ARHGAP12: variants seen among roughly 807,000 people sequenced by gnomAD.
ARHGAP12 encodes the protein rho GTPase-activating protein 12.
A neutral mutation model predicts 108.6 loss-of-function variants in ARHGAP12; 64 were observed. The ratio of observed to expected loss-of-function variants is 0.59; its 90% CI spans 0.48 to 0.73. ARHGAP12 has a LOEUF of 0.73. Ranked by LOEUF, ARHGAP12 falls within the 30% of genes least tolerant of loss-of-function variation. The probability of loss-of-function intolerance (pLI) is 0.00; values close to 1 mark genes in which losing one functional copy is unlikely to be tolerated. For synonymous variants in ARHGAP12, 312 were observed against 337.2 expected (o/e 0.93, Z 0.82); for missense variants, 940 against 1,005.9 (o/e 0.93, Z 0.89).
chr10:31,838,664 T>C (rs1352028376), intron 9 of ARHGAP12, among the ~76,000 whole-genome samples: 1 of 151,912 alleles, frequency 6.6e-6, no homozygotes, highest in Non-Finnish European at 1.5e-5. Flanking sequence ...ACCCCGTCTC[T>C]ACTAAAAATA....
At chr10:31,885,134 G>C (rs1057018958) in intron 3 of ARHGAP12, among the ~76,000 whole-genome samples, 2 of 152,042 alleles carry the variant, frequency 1.3e-5, no homozygotes, top group Non-Finnish European at 2.9e-5. Flanking sequence ...TTGAGAAAAT[G>C]TCTAATGTCC....
intron 6 of ARHGAP12, among the ~76,000 whole-genome samples, chr10:31,849,854 C>T (rs1256899146): frequency 6.6e-6 from 1 of 152,112 alleles, no homozygotes; most frequent in Non-Finnish European, 1.5e-5. Context: ...TCTTGCCTCT[C>T]CTCTTTTTTT....
intron 3 of ARHGAP12, among the ~76,000 whole-genome samples, chr10:31,866,756 T>C (rs753190388): frequency 1.4e-4 from 22 of 152,074 alleles, no homozygotes; most frequent in Non-Finnish European, 2.9e-4. Flanking sequence ...GCTGGGATTA[T>C]AGGCGTGAGC....
intron 10 of ARHGAP12, among the ~76,000 whole-genome samples, chr10:31,827,858 G>A (rs1835678315): frequency 6.6e-6 from 1 of 151,346 alleles, no homozygotes; most frequent in Non-Finnish European, 1.5e-5. Flanking sequence ...TTTTCAGAAT[G>A]TAGAATTTAA....
In ARHGAP12 at chr10:31,908,797, T is replaced by C; in HGVS notation, c.59A>G (p.Glu20Gly). Residue 20 changes from glutamate to glycine, a missense_variant, in exon 3 of 20, where the codon GAA becomes GGA. Coordinates refer to ENST00000344936, the MANE Select transcript of ARHGAP12 (RefSeq NM_018287.7). ...IIPGQVYIEV[E>G]YDYEYEAKDR... ...CTTTGCTTCATATTCATAATCATAT[T>C]CCACCTCAATATACACTTGTCCTGG... 1 of 1,609,552 alleles carries C rather than the reference T, an allele frequency of 6.2e-7. No individual in the cohort carries two copies. Among genetic ancestry groups the C allele is most frequent in the Non-Finnish European group, 8.5e-7 (1 of 1,179,942 alleles).
At chr10:31,870,938 T>C (rs1223845127) in intron 3 of ARHGAP12, among the ~76,000 whole-genome samples, 1 of 152,094 alleles carries the variant, frequency 6.6e-6, no homozygotes, top group Non-Finnish European at 1.5e-5. Context: ...AGCTAGGCAG[T>C]AGATGAAAAT....
rs558210056 is a variant in ARHGAP12, at chr10:31,857,909, A to G, written c.948+3486T>C. ...ACAGATCCTCATGAAGGAATTTAAAAGCATGTACTTATGGCTGGGCACAGT... is the reference window on the plus strand; with the variant it reads ...ACAGATCCTCATGAAGGAATTTAAAGGCATGTACTTATGGCTGGGCACAGT... On this transcript the variant is annotated intron_variant, in intron 4 of 19. Coordinates refer to ENST00000344936, the MANE Select transcript of ARHGAP12 (RefSeq NM_018287.7). Among the ~76,000 whole-genome samples the G allele has an allele frequency of 2.6e-5, 4 of 152,380 alleles. No individual in the cohort carries two copies. In the East Asian group the frequency reaches 7.7e-4, roughly 29 times the overall value.
chr10:31,867,687 T>TA (rs1218642525), intron 3 of ARHGAP12, among the ~76,000 whole-genome samples: 1 of 152,116 alleles, frequency 6.6e-6, no homozygotes, highest in Non-Finnish European at 1.5e-5. Context: ...TCAAGAGTTT[T>TA]AAAAAAATAT....
At chr10:31,909,833 T>C (rs1839275217) in intron 2 of ARHGAP12, among the ~76,000 whole-genome samples, 1 of 152,106 alleles carries the variant, frequency 6.6e-6, no homozygotes, top group Non-Finnish European at 1.5e-5. Flanking sequence ...GAGGCTGAAG[T>C]TGTGGTGGAC....
At chr10:31,873,421 A>G (rs1837612320) in intron 3 of ARHGAP12, among the ~76,000 whole-genome samples, 1 of 152,246 alleles carries the variant, frequency 6.6e-6, no homozygotes, top group Non-Finnish European at 1.5e-5. Context: ...ATCAGTTTTC[A>G]TATTTAACTT....
intron 3 of ARHGAP12, among the ~76,000 whole-genome samples, chr10:31,877,453 G>A (rs922560968): frequency 2.0e-5 from 3 of 152,162 alleles, no homozygotes; most frequent in African/African-American, 7.2e-5. Context: ...CATTAAATCT[G>A]AAGTTGGAAA....
Position 31,839,680 on chromosome 10 carries a change from G to T in ARHGAP12, c.1328C>A (p.Pro443His). 1 of 1,608,724 alleles carries T rather than the reference G, an allele frequency of 6.2e-7. No homozygotes were observed. Among genetic ancestry groups the T allele is most frequent in the Non-Finnish European group, 8.5e-7 (1 of 1,176,514 alleles). The change falls in exon 8 of 20, where the codon CCT becomes CAT. Residue 443 changes from proline (P) to histidine (H), a missense_variant. By Grantham distance (77) the Pro-to-His change is moderately conservative (BLOSUM62 -2). Coordinates refer to ENST00000344936, the MANE Select transcript of ARHGAP12 (RefSeq NM_018287.7). ...ESPTASKPCF[P>H]ENESSPSSPK... Reference sequence around the variant, plus strand: ...TGAGGAGGGAGAAGACTCATTTTCAGGAAAGCAGGGTTTTGAGGCAGTTGG... The same window carrying T: ...TGAGGAGGGAGAAGACTCATTTTCATGAAAGCAGGGTTTTGAGGCAGTTGG...
In ARHGAP12 at chr10:31,906,444, A is replaced by C. The variant is rs147678360; in HGVS notation, c.684+1728T>G. ...TTTCCCCAATTATCACACAGATGGCAAGTGATACAGAACCAGATTCCAATC... is the reference window on the plus strand; with the variant it reads ...TTTCCCCAATTATCACACAGATGGCCAGTGATACAGAACCAGATTCCAATC... On this transcript the variant is annotated intron_variant, in intron 3 of 19. Coordinates refer to ENST00000344936, the MANE Select transcript of ARHGAP12 (RefSeq NM_018287.7). Among the ~76,000 whole-genome samples the C allele has an allele frequency of 2.5e-4, 38 of 152,346 alleles. No individual in the cohort carries two copies. In the East Asian group the frequency reaches 7.1e-3, roughly 29 times the overall value.
At chr10:31,885,124 T>C (rs1838143688) in intron 3 of ARHGAP12, among the ~76,000 whole-genome samples, 1 of 152,160 alleles carries the variant, frequency 6.6e-6, no homozygotes, top group Admixed American at 6.5e-5. Context: ...CTGTTCATTT[T>C]TGAGAAAATG....
intron 1 of ARHGAP12, among the ~76,000 whole-genome samples, chr10:31,917,016 T>C (rs1225999442): frequency 1.3e-5 from 2 of 152,234 alleles, no homozygotes; most frequent in African/African-American, 4.8e-5. Context: ...AAAATGTTAA[T>C]ATAGCTTCAA....
At chr10:31,901,344 C>T (rs1261912282) in intron 3 of ARHGAP12, among the ~76,000 whole-genome samples, 1 of 151,644 alleles carries the variant, frequency 6.6e-6, no homozygotes, top group Non-Finnish European at 1.5e-5. Flanking sequence ...CCAGCCTGGC[C>T]AACATGGTGA....
chr10:31,904,513 T>C (rs1232545183), intron 3 of ARHGAP12, among the ~76,000 whole-genome samples: 7 of 152,192 alleles, frequency 4.6e-5, no homozygotes, highest in Non-Finnish European at 1.5e-5. Context: ...GTGATGGAAA[T>C]GCTCAGCATA....
intron 18 of ARHGAP12, 52 bp from the exon 19 acceptor site, chr10:31,808,803 A>C: frequency 6.4e-7 from 1 of 1,567,734 alleles, no homozygotes; most frequent in Non-Finnish European, 8.8e-7. Flanking sequence ...ATGAAACTGA[A>C]AGCAATGTCA....
At chr10:31,875,225 C>A (rs935971481) in intron 3 of ARHGAP12, among the ~76,000 whole-genome samples, 2 of 152,032 alleles carry the variant, frequency 1.3e-5, no homozygotes, top group Non-Finnish European at 2.9e-5. Context: ...AGTCATGTAA[C>A]AATTCTGGAA....
Sources: gnomAD v4.1 joint callset for allele counts (sites outside exome capture counted in the v4.1 genomes callset) on GRCh38, gnomAD v4.1.1 for gene constraint, MANE v1.5 for transcripts, NCBI Gene and HGNC (gene_info 2026-07-23, HGNC 2026-07-21) for gene names.